Variants in ZNF750 observed in about 807,000 individuals in gnomAD.
ZNF750 encodes the protein zinc finger protein 750.
ZNF750 carries 10 observed loss-of-function variants against 31.6 expected under a neutral mutation model. The ratio of observed to expected loss-of-function variants is 0.32; its 90% CI spans 0.19 to 0.54. ZNF750 has a LOEUF of 0.54. ZNF750 is among the 20% of genes least tolerant of loss of function. ZNF750 has a pLI of 0.95. For synonymous variants in ZNF750, 400 were observed against 404.9 expected, an observed-to-expected ratio of 0.99 and a Z score of 0.15; for missense variants, 914 against 934.9, an observed-to-expected ratio of 0.98 and a Z score of 0.29.
At position 82,830,327 on chromosome 17, in the gene ZNF750, AGGCAGGTTCCGG is replaced by A. The variant is rs1483034652; in HGVS notation, c.1975_1986del (p.Pro659_Ala662del). On this transcript the variant is annotated inframe_deletion, in exon 3 of 3. Transcript: ENST00000269394. The stretch of plus-strand genomic sequence containing the variant: ...CTCAGTGTGGGTGTGTCTTGCCGGC[AGGCAGGTTCCGG>A]GGCCGCAGCATCCCCATCGCCCACC... 2 of 1,613,908 alleles carry A rather than the reference AGGCAGGTTCCGG, an allele frequency of 1.2e-6. No homozygotes were observed. The highest frequency in any genetic ancestry group is 2.7e-5 in the African/African-American group (2 of 74,928).
Position 82,830,501 on chromosome 17 carries a change from C to G in ZNF750, c.1813G>C (p.Asp605His). The G allele has an allele frequency of 7.4e-6, 12 of 1,613,472 alleles. No individual in the cohort carries two copies. The highest frequency in any genetic ancestry group is 1.0e-5 in the Non-Finnish European group (12 of 1,179,606). ...CCTGTGGGTGGGGCCCCGTCACCGT[C>G]GAGGCTGCCTGGCTTGGTCTCAGGG... ...SHPETKPGSLDGDGAPPTGPG... is the reference protein window; with the variant it reads ...SHPETKPGSLHGDGAPPTGPG... The change falls in exon 3 of 3, where the codon GAC becomes CAC. Residue 605 changes from aspartate (D) to histidine (H), a missense_variant. Physicochemically the swap from Asp to His is moderately conservative, Grantham distance 81. This residue lies in a region of ZNF750 where 880 missense variants were observed against 868.9 expected (regional missense o/e 1.01). Coordinates refer to ENST00000269394, the MANE Select transcript of ZNF750 (RefSeq NM_024702.3).
chr17:82,838,716 A>T (rs2054196486), intron 1 of ZNF750: 1 of 985,416 alleles, frequency 1.0e-6, no homozygotes, highest in Non-Finnish European at 1.2e-6. Flanking sequence ...CCTCAGGACA[A>T]CCAAGACCTG....
Position 82,832,490 on chromosome 17 carries a change from T to C in ZNF750, c.-36A>G, listed in dbSNP as rs375285259. On this transcript the variant is annotated 5_prime_UTR_variant, in exon 2 of 3. Transcript: ENST00000269394. This position sits in a 1 kb window ranked among gnomAD's most constrained non-coding sequence, Gnocchi z 4.9. Reference sequence around the variant, plus strand: ...ATGCCTTGGACTCTGGCTGTCCAGGTGGCGTGATCACTGTCGACGCCGCGT... The same window carrying C: ...ATGCCTTGGACTCTGGCTGTCCAGGCGGCGTGATCACTGTCGACGCCGCGT... The C allele has an allele frequency of 1.2e-4, 191 of 1,585,130 alleles. No homozygotes were observed. The highest frequency in any genetic ancestry group is 1.5e-4 in the Non-Finnish European group (179 of 1,163,686).
rs758913921 is a variant in ZNF750, at chr17:82,831,094, G to T, written c.1361C>A (p.Ala454Asp). Residue 454 changes from alanine to aspartate, a missense_variant, in exon 2 of 3, where the codon GCC becomes GAC. Ala to Asp is a moderately radical substitution (Grantham distance 126). Coordinates refer to ENST00000269394, the MANE Select transcript of ZNF750 (RefSeq NM_024702.3). The surrounding 1 kb of genome is among the most constrained non-coding windows in gnomAD (Gnocchi z 4.6). Reference sequence around the variant, plus strand: ...TGTGCTTTTCTTAACAGGCCTGAAGGCTGTGAGGCTTTGCTCTGGCGGGTA... The same window carrying T: ...TGTGCTTTTCTTAACAGGCCTGAAGTCTGTGAGGCTTTGCTCTGGCGGGTA... ...RLYPPEQSLT[A>D]FRPVKKSTEC... 16 of 1,614,202 alleles carry T rather than the reference G, an allele frequency of 9.9e-6. No individual in the cohort carries two copies. The South Asian group carries it at 1.5e-4, about 16-fold the overall frequency.
chr17:82,830,946 C>G, intron 2 of ZNF750, 69 bp from the exon 3 acceptor site: 1 of 1,613,204 alleles, frequency 6.2e-7, no homozygotes, highest in South Asian at 1.1e-5. Flanking sequence ...GCAGTGTGAG[C>G]AAGTATAAGC....
rs554781134 is a variant in ZNF750, at chr17:82,829,992, G to A, written c.*150C>T. 6.9e-5 allele frequency: 86 copies of A among 1,253,262 alleles called. No homozygotes were observed. The highest frequency in any genetic ancestry group is 5.6e-4 in the Middle Eastern group (2 of 3,566). 77.6% of individuals were successfully genotyped at this position (1,253,262 alleles called of 1,614,324 possible). On this transcript the variant is annotated 3_prime_UTR_variant, in exon 3 of 3. Transcript: ENST00000269394. ...ATATTTATAAAAACTGAATTGGAGG[G>A]TTTTTTGTTTGTTTGTTTGTTTGTT...
In ZNF750 at chr17:82,830,433, G is replaced by A; in HGVS notation, c.1881C>T (p.Ser627=). ...CGGCTGCCGTCTGCTTCTGCTCCTCGCTGCTGTCCACCGCGCATGCGTCTG... is the reference window on the plus strand; with the variant it reads ...CGGCTGCCGTCTGCTTCTGCTCCTCACTGCTGTCCACCGCGCATGCGTCTG... ...EAPDACAVDS[S]EEQKQTAAVA... is the part of the protein sequence containing the mutation. Residue 627 remains serine, a synonymous_variant, in exon 3 of 3, where the codon AGC becomes AGT. Coordinates refer to ENST00000269394, the MANE Select transcript of ZNF750 (RefSeq NM_024702.3). 3.1e-6 allele frequency: 5 copies of A among 1,611,786 alleles called. No individual in the cohort carries two copies. Among genetic ancestry groups the A allele is most frequent in the Non-Finnish European group, 2.5e-6 (3 of 1,179,906 alleles).
chr17:82,832,222 T>C lies in ZNF750; in HGVS notation c.233A>G (p.Gln78Arg). Residue 78 changes from glutamine (Q) to arginine (R), a missense_variant, in exon 2 of 3, where the codon CAG (glutamine) becomes CGG (arginine). Around this residue, in one of 2 missense-constraint regions of ZNF750, gnomAD observed 880 missense variants for 868.9 expected, o/e 1.01. Transcript: ENST00000269394. This position sits in a 1 kb window ranked among gnomAD's most constrained non-coding sequence, Gnocchi z 4.9. ...GGCTGGCTTCGCCGTGGCATCGGGCTGGTTGGTTTGCTTGGGGTCTAGTGA... is the reference window on the plus strand; with the variant it reads ...GGCTGGCTTCGCCGTGGCATCGGGCCGGTTGGTTTGCTTGGGGTCTAGTGA... ...SNSLDPKQTN[Q>R]PDATAKPASS... 1.9e-6 allele frequency: 3 copies of C among 1,614,232 alleles called. No individual in the cohort carries two copies. The highest frequency in any genetic ancestry group is 1.6e-4 in the Middle Eastern group (1 of 6,062).
At chr17:82,838,659 A>T (rs189576844) in intron 1 of ZNF750, 1 of 985,306 alleles carries the variant, frequency 1.0e-6, no homozygotes, top group Non-Finnish European at 1.2e-6. Flanking sequence ...CCAGTGATTG[A>T]CTGCCACTCC....
chr17:82,831,313 A>C lies in ZNF750; in HGVS notation c.1142T>G (p.Ile381Ser). The C allele has an allele frequency of 6.2e-7, 1 of 1,614,012 alleles. No individual in the cohort carries two copies. Among genetic ancestry groups the C allele is most frequent in the Non-Finnish European group, 8.5e-7 (1 of 1,180,016 alleles). ...NRKHVEFESP[I>S]PEAKDSSKAG... ...CTTGGAGGAGTCTTTAGCCTCAGGA[A>C]TTGGACTTTCGAACTCGACGTGTTT... The change falls in exon 2 of 3, where the codon ATT (isoleucine) becomes AGT (serine). Residue 381 changes from isoleucine (I) to serine (S), a missense_variant. Physicochemically the swap from Ile to Ser is moderately radical, Grantham distance 142 (BLOSUM62 -2). This residue lies in a region of ZNF750 where 880 missense variants were observed against 868.9 expected (regional missense o/e 1.01). Coordinates refer to ENST00000269394, the MANE Select transcript of ZNF750 (RefSeq NM_024702.3). This position sits in a 1 kb window ranked among gnomAD's most constrained non-coding sequence, Gnocchi z 4.6.
intron 1 of ZNF750, among the ~76,000 whole-genome samples, chr17:82,834,926 C>G (rs11654361): frequency 6.6e-6 from 1 of 151,792 alleles, no homozygotes; most frequent in East Asian, 1.9e-4. Flanking sequence ...GGCTGGGGGC[C>G]GTGGCTCATG....
Position 82,831,401 on chromosome 17 carries a change from C to T in ZNF750, c.1054G>A (p.Glu352Lys), listed in dbSNP as rs2053498617. The change falls in exon 2 of 3, where the codon GAA (glutamate) becomes AAA (lysine). Residue 352 changes from glutamate to lysine, a missense_variant. By Grantham distance (56) the Glu-to-Lys change is moderately conservative. Around this residue, in one of 2 missense-constraint regions of ZNF750, gnomAD observed 880 missense variants for 868.9 expected, o/e 1.01. Transcript: ENST00000269394. This position sits in a 1 kb window ranked among gnomAD's most constrained non-coding sequence, Gnocchi z 4.6. Reference protein sequence around the residue: ...TRDQSSHLLEEATLVYPASSP... With the variant: ...TRDQSSHLLEKATLVYPASSP... ...GAGGCTGGATAGACCAGGGTGGCTT[C>T]TTCAAGCAGGTGAGAGCTCTGATCT... is the stretch of plus-strand genomic sequence containing the variant. 1 of 1,614,126 alleles carries T rather than the reference C, an allele frequency of 6.2e-7. No homozygotes were observed. Among genetic ancestry groups the T allele is most frequent in the Non-Finnish European group, 8.5e-7 (1 of 1,180,012 alleles).
Position 82,830,451 on chromosome 17 carries a change from T to C in ZNF750, c.1863A>G (p.Ala621=). The stretch of plus-strand genomic sequence containing the variant: ...GCTCCTCGCTGCTGTCCACCGCGCA[T>C]GCGTCTGGAGCCTCCTCGCCGGGGC... ...PTGPGEEAPD[A]CAVDSSEEQK... The change falls in exon 3 of 3, where the codon GCA becomes GCG. Residue 621 remains alanine, a synonymous_variant. Transcript: ENST00000269394. The C allele has an allele frequency of 1.2e-6, 2 of 1,612,446 alleles. No homozygotes were observed. Among genetic ancestry groups the C allele is most frequent in the African/African-American group, 2.7e-5 (2 of 75,062 alleles).
intron 1 of ZNF750, among the ~76,000 whole-genome samples, chr17:82,834,963 C>G (rs969102828): frequency 2.0e-5 from 3 of 151,934 alleles, no homozygotes; most frequent in Non-Finnish European, 4.4e-5. Context: ...TTTGGGAGGC[C>G]GAGGTGGGAG....
rs1359893076 is a variant in ZNF750 at position 82,830,639 on chromosome 17, A to G, written c.1675T>C (p.Cys559Arg). ...GCAGGCCTCGGAGCCTGGGTGTTACAGGGGTCCTTCACCGAGAGATTGAGT... is the reference window on the plus strand; with the variant it reads ...GCAGGCCTCGGAGCCTGGGTGTTACGGGGGTCCTTCACCGAGAGATTGAGT... ...LPLNLSVKDP[C>R]NTQAPRPAFP... The change falls in exon 3 of 3, where the codon TGT becomes CGT. Residue 559 changes from cysteine to arginine, a missense_variant. By Grantham distance (180) the Cys-to-Arg change is radical. Coordinates refer to ENST00000269394, the MANE Select transcript of ZNF750 (RefSeq NM_024702.3). The G allele has an allele frequency of 1.9e-6, 3 of 1,613,994 alleles. No homozygotes were observed. Among genetic ancestry groups the G allele is most frequent in the East Asian group, 2.2e-5 (1 of 44,860 alleles).
In ZNF750 at chr17:82,830,599, G is replaced by C; in HGVS notation, c.1715C>G (p.Pro572Arg). Residue 572 changes from proline to arginine, a missense_variant, in exon 3 of 3, where the codon CCA becomes CGA. Pro to Arg is a moderately radical substitution (Grantham distance 103, BLOSUM62 -2). This residue lies in a region of ZNF750 where 880 missense variants were observed against 868.9 expected (regional missense o/e 1.01). Transcript: ENST00000269394. ...QAPRPAFPGR[P>R]RAAEPAAAVP... ...AGCAGCAGCAGGTTCTGCAGCTCGT[G>C]GTCGACCGGGGAAGGCAGGCCTCGG... 2.5e-6 allele frequency: 4 copies of C among 1,614,066 alleles called. No individual in the cohort carries two copies. The highest frequency in any genetic ancestry group is 3.4e-6 in the Non-Finnish European group (4 of 1,179,976).
Position 82,832,078 on chromosome 17 carries a change from A to T in ZNF750, c.377T>A (p.Leu126Gln). The T allele has an allele frequency of 1.2e-6, 2 of 1,614,070 alleles. No individual in the cohort carries two copies. The highest frequency in any genetic ancestry group is 1.7e-6 in the Non-Finnish European group (2 of 1,179,938). The part of the protein sequence containing the change: ...ELQARGTHRC[L>Q]GQKPALHRAS... ...CCTGTGGAGGGCTGGCTTCTGTCCC[A>T]GGCACCTGTGGGTTCCCCGGGCTTG... The change falls in exon 2 of 3, where the codon CTG becomes CAG. Residue 126 changes from leucine to glutamine, a missense_variant. Around this residue, in one of 2 missense-constraint regions of ZNF750, gnomAD observed 880 missense variants for 868.9 expected, o/e 1.01. Transcript: ENST00000269394. This position sits in a 1 kb window ranked among gnomAD's most constrained non-coding sequence, Gnocchi z 4.9.
At chr17:82,834,269 C>G (rs1231401976) in intron 1 of ZNF750, among the ~76,000 whole-genome samples, 1 of 152,182 alleles carries the variant, frequency 6.6e-6, no homozygotes, top group Non-Finnish European at 1.5e-5. Context: ...CTTTGAGAGT[C>G]TGGGACTGTC....
Position 82,830,493 on chromosome 17 carries a change from G to T in ZNF750, c.1821C>A (p.Asp607Glu). Residue 607 changes from aspartate (D) to glutamate (E), a missense_variant, in exon 3 of 3, where the codon GAC becomes GAA. By Grantham distance (45) the Asp-to-Glu change is conservative. Coordinates refer to ENST00000269394, the MANE Select transcript of ZNF750 (RefSeq NM_024702.3). The stretch of plus-strand genomic sequence containing the variant: ...CGCCGGGGCCTGTGGGTGGGGCCCC[G>T]TCACCGTCGAGGCTGCCTGGCTTGG... ...PETKPGSLDGDGAPPTGPGEE... is the reference protein window; with the variant it reads ...PETKPGSLDGEGAPPTGPGEE... 6.2e-7 allele frequency: 1 copy of T among 1,613,436 alleles called. No individual in the cohort carries two copies.
Sources: gnomAD v4.1 joint callset for allele counts (sites outside exome capture counted in the v4.1 genomes callset) on GRCh38, gnomAD v4.1.1 for gene constraint, gnomAD v4.1.1 regional missense constraint, Gnocchi (gnomAD v3.1) non-coding constraint, MANE v1.5 for transcripts, NCBI Gene and HGNC (gene_info 2026-07-23, HGNC 2026-07-21) for gene names.